The following MBIP variants were observed in gnomAD, a reference collection of about 807,000 sequenced individuals.
MBIP encodes the protein MAP3K12-binding inhibitory protein 1.
A neutral mutation model predicts 45.7 loss-of-function variants in MBIP; 32 were observed. The ratio of observed to expected loss-of-function variants is 0.70; its 90% CI spans 0.53 to 0.94. The LOEUF (loss-of-function observed/expected upper bound fraction) is 0.94. Among genes scored for constraint, MBIP ranks in the 40% least tolerant of loss-of-function variants. The pLI, the probability that MBIP is intolerant of heterozygous loss-of-function variation, is 0.00. For missense variants in MBIP, 381 were observed against 405.5 expected, an observed-to-expected ratio of 0.94 and a Z score of 0.52; for synonymous variants, 145 against 141.0, an observed-to-expected ratio of 1.03 and a Z score of -0.20.
chr14:36,316,676 T>G lies in MBIP; in HGVS notation c.249+17A>C. 1.9e-6 allele frequency: 3 copies of G among 1,591,852 alleles called. No individual in the cohort carries two copies. The highest frequency in any genetic ancestry group is 2.6e-6 in the Non-Finnish European group (3 of 1,171,224). ...CTATTTTCAATATCGGGTTATCATT[T>G]CTAACAAGAAATTTACCTGTAAATA... On this transcript the variant is annotated intron_variant, in intron 2 of 8. Transcript: ENST00000416007.
intron 1 of MBIP, among the ~76,000 whole-genome samples, chr14:36,319,265 T>C (rs1257232699): frequency 6.6e-6 from 1 of 152,174 alleles, no homozygotes; most frequent in Non-Finnish European, 1.5e-5. Context: ...CATAAAAAGT[T>C]CTCTAACTTT....
chr14:36,317,375 C>T (rs1026608281), intron 1 of MBIP, among the ~76,000 whole-genome samples: 1 of 152,052 alleles, frequency 6.6e-6, no homozygotes, highest in Non-Finnish European at 1.5e-5. Flanking sequence ...ATTATTCATA[C>T]ATATAAAGTG....
chr14:36,319,612 T>G (rs1880769293), intron 1 of MBIP: 1 of 438,672 alleles, frequency 2.3e-6, no homozygotes, highest in Non-Finnish European at 4.6e-6. Context: ...ATGCCTGCTT[T>G]GTCCACTTGC....
chr14:36,318,376 T>C (rs973445338), intron 1 of MBIP, among the ~76,000 whole-genome samples: 6 of 151,990 alleles, frequency 3.9e-5, no homozygotes, highest in African/African-American at 7.2e-5. Context: ...ATAATTAGTC[T>C]TTTAAGAAAA....
In MBIP at chr14:36,300,800, T is replaced by C. The variant is rs759927444; in HGVS notation, c.912A>G (p.Lys304=). Residue 304 remains lysine (K), a synonymous_variant, in exon 8 of 9, where the codon AAA becomes AAG. Coordinates refer to ENST00000416007, the MANE Select transcript of MBIP (RefSeq NM_016586.3). ...QSVSFSGKRR[K]VQPPQQNYSL... is the part of the protein sequence containing the mutation. ...AGTAACTTACTTGAGGTGGTTGAACTTTTCTTCTTTTTCCAGAAAAGCTCT... is the reference window on the plus strand; with the variant it reads ...AGTAACTTACTTGAGGTGGTTGAACCTTTCTTCTTTTTCCAGAAAAGCTCT... The C allele has an allele frequency of 6.4e-7, 1 of 1,553,588 alleles. No individual in the cohort carries two copies. Among genetic ancestry groups the C allele is most frequent in the Non-Finnish European group, 8.7e-7 (1 of 1,143,906 alleles).
intron 4 of MBIP, chr14:36,313,972 T>C (rs1250332336): frequency 6.6e-6 from 1 of 152,256 alleles, no homozygotes; most frequent in Non-Finnish European, 1.5e-5. Context: ...GTGAATCAGA[T>C]GAAAAACAGC....
chr14:36,320,549 C>A lies in MBIP; in HGVS notation c.40G>T (p.Asp14Tyr). The part of the protein sequence containing the change: ...ATELNRPSSG[D>Y]RNLERRCRPN... ...CTGCATCTTCGCTCCAGGTTCCTGT[C>A]ACCGCTGCTCGGGCGATTAAGCTCC... is the stretch of plus-strand genomic sequence containing the variant. The change falls in exon 1 of 9, where the codon GAC (aspartate) becomes TAC (tyrosine). Residue 14 changes from aspartate (D) to tyrosine (Y), a missense_variant. By Grantham distance (160) the Asp-to-Tyr change is radical. Transcript: ENST00000416007. 1.2e-6 allele frequency: 2 copies of A among 1,613,616 alleles called. No homozygotes were observed. The highest frequency in any genetic ancestry group is 1.7e-6 in the Non-Finnish European group (2 of 1,179,772).
rs765119976 is a variant in MBIP at position 36,300,848 on chromosome 14, G to A, written c.889-25C>T. ...TCTAGATTAAAAAAAAAAAGGTAAT[G>A]TTTAGAAAAATCTAAGCATCATTTT... On this transcript the variant is annotated intron_variant, in intron 7 of 8. Transcript: ENST00000416007. 2.1e-5 allele frequency: 28 copies of A among 1,363,162 alleles called. No homozygotes were observed. The Middle Eastern group carries it at 7.4e-4, about 36-fold the overall frequency. 84.4% of individuals were successfully genotyped at this position (1,363,162 alleles called of 1,614,324 possible). A position where few individuals can be genotyped will look rare whatever the true frequency, so the allele number is the denominator to read the frequency against.
chr14:36,314,631 G>A, intron 3 of MBIP, 23 bp from the exon 4 acceptor site: 1 of 1,606,106 alleles, frequency 6.2e-7, no homozygotes, highest in Non-Finnish European at 8.5e-7. Flanking sequence ...AGTTTTAACA[G>A]TGTAAACATA....
chr14:36,310,433 A>G (rs906913900), intron 6 of MBIP, among the ~76,000 whole-genome samples: 1 of 152,190 alleles, frequency 6.6e-6, no homozygotes, highest in Non-Finnish European at 1.5e-5. Context: ...CTTCATTAGG[A>G]TGCCATCATC....
chr14:36,301,532 CT>C (rs1879548676), intron 7 of MBIP, among the ~76,000 whole-genome samples: 2 of 152,354 alleles, frequency 1.3e-5, no homozygotes, highest in South Asian at 4.1e-4. Flanking sequence ...CCTGAAAGTG[CT>C]GTAGCCATCT....
Position 36,312,031 on chromosome 14 carries a change from A to G in MBIP, c.572-7T>C, listed in dbSNP as rs1880243182. ...GTTCTTGCACAACTATTTTCTAAGG[A>G]GAATTTAGATAAATATAAGTTTAAA... On this transcript the variant is annotated splice_region_variant and splice_polypyrimidine_tract_variant and intron_variant, in intron 4 of 8. Coordinates refer to ENST00000416007, the MANE Select transcript of MBIP (RefSeq NM_016586.3). 1 of 1,533,658 alleles carries G rather than the reference A, an allele frequency of 6.5e-7. No homozygotes were observed. The highest frequency in any genetic ancestry group is 8.9e-7 in the Non-Finnish European group (1 of 1,129,878).
intron 8 of MBIP, among the ~76,000 whole-genome samples, chr14:36,299,830 G>T (rs1879427875): frequency 6.6e-6 from 1 of 152,048 alleles, no homozygotes. Context: ...ATTTATTCAA[G>T]TCTACCTATG....
chr14:36,320,359 C>G (rs891538474), intron 1 of MBIP, 101 bp downstream of exon 1: 4 of 1,554,020 alleles, frequency 2.6e-6, no homozygotes, highest in Non-Finnish European at 2.6e-6. Context: ...GCATCCCACA[C>G]CTCTGCAGGC....
intron 7 of MBIP, among the ~76,000 whole-genome samples, chr14:36,303,351 T>A (rs1384954739): frequency 6.6e-6 from 1 of 152,200 alleles, no homozygotes; most frequent in Non-Finnish European, 1.5e-5. Flanking sequence ...AGGTTCCTAG[T>A]CATGCACCGC....
At chr14:36,303,685 T>A (rs1879706073) in intron 7 of MBIP, among the ~76,000 whole-genome samples, 1 of 152,180 alleles carries the variant, frequency 6.6e-6, no homozygotes, top group Non-Finnish European at 1.5e-5. Context: ...CATACACACG[T>A]TCACGCACAT....
chr14:36,316,738 A>C lies in MBIP; in HGVS notation c.204T>G (p.Pro68=). The change falls in exon 2 of 9, where the codon CCT becomes CCG. Residue 68 remains proline (P), a synonymous_variant. Transcript: ENST00000416007. ...GTTCAAGTGCACTAAAGAGCAATGC[A>C]GGCTGGAATGCCGAGAGGCTCTGGA... ...NKLQSLSAFQ[P]ALLFSALEQH... The C allele has an allele frequency of 2.5e-6, 4 of 1,613,062 alleles. No homozygotes were observed. The highest frequency in any genetic ancestry group is 3.4e-6 in the Non-Finnish European group (4 of 1,179,298).
chr14:36,312,831 A>G lies in MBIP; in HGVS notation c.572-807T>C, dbSNP rs1880286596. 2.6e-5 allele frequency among the ~76,000 whole-genome samples: 4 copies of G among 152,242 alleles called. No homozygotes were observed. In the South Asian group the frequency reaches 6.2e-4, roughly 24 times the overall value. Reference sequence around the variant, plus strand: ...TATACTTATGTTTGAAATAATGTTTAAAGGCCACACATTGGCAGTAAATCT... The same window carrying G: ...TATACTTATGTTTGAAATAATGTTTGAAGGCCACACATTGGCAGTAAATCT... On this transcript the variant is annotated intron_variant, in intron 4 of 8. Transcript: ENST00000416007.
intron 7 of MBIP, among the ~76,000 whole-genome samples, chr14:36,301,780 G>C (rs946935677): frequency 6.6e-6 from 1 of 152,208 alleles, no homozygotes; most frequent in African/African-American, 2.4e-5. Context: ...TTGGCCTAAT[G>C]AATTCTTTCT....
Sources: gnomAD v4.1 joint callset for allele counts (sites outside exome capture counted in the v4.1 genomes callset) on GRCh38, gnomAD v4.1.1 for gene constraint, MANE v1.5 for transcripts, NCBI Gene and HGNC (gene_info 2026-07-23, HGNC 2026-07-21) for gene names.